The following NPRL3 variants were observed in gnomAD, a reference collection of about 807,000 sequenced individuals.
The protein encoded by NPRL3 is GATOR1 complex protein NPRL3.
In NPRL3, 23 loss-of-function variants were observed where a neutral mutation model predicts 57.2. The observed-to-expected ratio is 0.40, with a 90% confidence interval of 0.29 to 0.57. The LOEUF is 0.57. Among genes scored for constraint, NPRL3 ranks in the 20% least tolerant of loss-of-function variants. The pLI is 0.42. For missense variants in NPRL3, 691 were observed against 767.1 expected, an observed-to-expected ratio of 0.90 and a Z score of 1.17; for synonymous variants, 333 against 321.1, an observed-to-expected ratio of 1.04 and a Z score of -0.39.
In NPRL3 at chr16:102,389, C is replaced by T. The variant is rs143020565; in HGVS notation, c.630-1880G>A. ...GCAACAGGGGGGATCTCCACCTACT[C>T]TTGTCAAGGCCTGGCTACTCAAAGT... is the stretch of plus-strand genomic sequence containing the variant. On this transcript the variant is annotated intron_variant, in intron 7 of 13. Coordinates refer to ENST00000611875, the MANE Select transcript of NPRL3 (RefSeq NM_001077350.3). Among the ~76,000 whole-genome samples, 16 of 152,356 alleles carry T rather than the reference C, an allele frequency of 1.1e-4. No homozygotes were observed. The East Asian group carries it at 2.3e-3, about 22-fold the overall frequency.
chr16:112,594 C>A, intron 6 of NPRL3, 28 bp downstream of exon 6: 1 of 1,516,450 alleles, frequency 6.6e-7, no homozygotes, highest in Non-Finnish European at 8.9e-7. Context: ...AGCCCAGACC[C>A]ATGCCCATCA....
intron 7 of NPRL3, among the ~76,000 whole-genome samples, chr16:106,185 G>A (rs533013860): frequency 1.1e-4 from 16 of 152,190 alleles, no homozygotes; most frequent in African/African-American, 2.4e-4. Context: ...GGCAGGCGCC[G>A]TAATCCCAGC....
At chr16:114,789 A>C (rs1381747726) in intron 5 of NPRL3, among the ~76,000 whole-genome samples, 1 of 152,158 alleles carries the variant, frequency 6.6e-6, no homozygotes, top group African/African-American at 2.4e-5. Flanking sequence ...CCCATATTTT[A>C]TACAGATATC....
intron 7 of NPRL3, 87 bp from the exon 8 acceptor site, chr16:100,596 T>C (rs1415206476): frequency 4.7e-6 from 6 of 1,266,282 alleles, no homozygotes; most frequent in Admixed American, 3.8e-5. Flanking sequence ...ATGGTGCTGA[T>C]TCCCCTGCTG....
intron 7 of NPRL3, among the ~76,000 whole-genome samples, chr16:107,936 A>T (rs945453716): frequency 4.6e-5 from 7 of 152,272 alleles, no homozygotes; most frequent in African/African-American, 1.7e-4. Flanking sequence ...ACTGGATACC[A>T]GGCAATTCAA....
chr16:92,470 C>G (rs930450229), intron 11 of NPRL3, 126 bp downstream of exon 11: 5 of 1,234,680 alleles, frequency 4.0e-6, no homozygotes, highest in Non-Finnish European at 5.6e-6. Flanking sequence ...GCACGGCAAG[C>G]CCCCAAAACC....
At chr16:97,087 C>T (rs1267916182) in intron 9 of NPRL3, among the ~76,000 whole-genome samples, 1 of 152,248 alleles carries the variant, frequency 6.6e-6, no homozygotes, top group African/African-American at 2.4e-5. Flanking sequence ...ATGCTGTGCA[C>T]ACCGCCACCA....
chr16:108,307 A>T (rs1209812162), intron 7 of NPRL3, among the ~76,000 whole-genome samples: 1 of 152,228 alleles, frequency 6.6e-6, no homozygotes, highest in African/African-American at 2.4e-5. Context: ...GCATCACAAT[A>T]AAGCTACACA....
intron 13 of NPRL3, among the ~76,000 whole-genome samples, chr16:88,329 CGA>C (rs1451021264): frequency 6.7e-6 from 1 of 148,276 alleles, no homozygotes; most frequent in African/African-American, 2.6e-5. Flanking sequence ...TGCAGTGAGC[CGA>C]GATTGCGCCA....
At chr16:111,510 GCAATCTC>G (rs1899813825) in intron 6 of NPRL3, among the ~76,000 whole-genome samples, 1 of 151,646 alleles carries the variant, frequency 6.6e-6, no homozygotes, top group South Asian at 2.1e-4. Context: ...GTGCAGTGGT[GCAATCTC>G]AGCTCACCCC....
At chr16:96,583 C>T (rs374219072) in intron 9 of NPRL3, among the ~76,000 whole-genome samples, 1 of 141,710 alleles carries the variant, frequency 7.1e-6, no homozygotes, top group African/African-American at 2.7e-5. Flanking sequence ...GGCCAAGGTG[C>T]GATGATCACT....
chr16:96,557 T>C (rs1899014519), intron 9 of NPRL3, among the ~76,000 whole-genome samples: 1 of 145,800 alleles, frequency 6.9e-6, no homozygotes. Context: ...ATGCCTGTAA[T>C]ACCAGCCCTT....
chr16:114,473 C>A (rs565784294), intron 5 of NPRL3, among the ~76,000 whole-genome samples: 1 of 152,322 alleles, frequency 6.6e-6, no homozygotes, highest in South Asian at 2.1e-4. Context: ...AGAACCAAGC[C>A]TTCAGAGTTA....
intron 4 of NPRL3, among the ~76,000 whole-genome samples, chr16:118,204 T>C (rs1900131324): frequency 6.6e-6 from 1 of 152,196 alleles, no homozygotes; most frequent in African/African-American, 2.4e-5. Flanking sequence ...TGTATAAATG[T>C]AGCTAAATCC....
chr16:97,733 T>A (rs911687888), intron 9 of NPRL3, among the ~76,000 whole-genome samples: 1 of 142,390 alleles, frequency 7.0e-6, no homozygotes, highest in South Asian at 2.1e-4. Flanking sequence ...GTTCTGCACA[T>A]GGGAGGGCCC....
intron 7 of NPRL3, among the ~76,000 whole-genome samples, chr16:103,212 G>A (rs1311510362): frequency 4.7e-5 from 7 of 148,586 alleles, no homozygotes; most frequent in South Asian, 2.1e-4. Flanking sequence ...CGCCATCTCC[G>A]CTCACTGCAG....
chr16:116,952 G>T (rs866698125), intron 5 of NPRL3, among the ~76,000 whole-genome samples: 2 of 142,298 alleles, frequency 1.4e-5, no homozygotes, highest in South Asian at 2.4e-4. Context: ...TCCAGCCTGG[G>T]TGACACAGCG....
chr16:106,629 TAAAAA>T (rs763058746), intron 7 of NPRL3, among the ~76,000 whole-genome samples: 10 of 60,090 alleles, frequency 1.7e-4, no homozygotes, highest in African/African-American at 5.1e-4. Context: ...TGCCTTAAAT[TAAAAA>T]AAAAAAAAAA....
intron 9 of NPRL3, among the ~76,000 whole-genome samples, chr16:97,365 C>A (rs1280454221): frequency 6.6e-6 from 1 of 151,992 alleles, no homozygotes; most frequent in African/African-American, 2.4e-5. Context: ...ACACCTCATA[C>A]CCCCAAGTAG....
Sources: gnomAD v4.1 joint callset for allele counts (sites outside exome capture counted in the v4.1 genomes callset) on GRCh38, gnomAD v4.1.1 for gene constraint, MANE v1.5 for transcripts, NCBI Gene and HGNC (gene_info 2026-07-23, HGNC 2026-07-21) for gene names.